Variants in ANKRD17 observed in about 807,000 individuals in gnomAD.
ANKRD17 encodes the protein ankyrin repeat domain-containing protein 17.
ANKRD17 carries 19 observed loss-of-function variants against 229.7 expected under a neutral mutation model. That is an observed-to-expected ratio of 0.08 (90% CI 0.06 to 0.12). ANKRD17 has a LOEUF of 0.12. Among genes scored for constraint, ANKRD17 ranks in the 10% least tolerant of loss-of-function variants. The pLI, the probability that ANKRD17 is intolerant of heterozygous loss-of-function variation, is 1.00. For missense variants in ANKRD17, 2,176 were observed against 3,176.8 expected, an observed-to-expected ratio of 0.68 and a Z score of 7.57; for synonymous variants, 1,112 against 1,146.1, an observed-to-expected ratio of 0.97 and a Z score of 0.60.
At chr4:73,209,192 C>A (rs564858990) in intron 1 of ANKRD17, among the ~76,000 whole-genome samples, 2 of 151,844 alleles carry the variant, frequency 1.3e-5, no homozygotes, top group African/African-American at 4.8e-5. Flanking sequence ...GGTGACAGAA[C>A]GAGACTCTGG....
At position 73,139,676 on chromosome 4, in the gene ANKRD17, C is replaced by A; in HGVS notation, c.2940G>T (p.Leu980=). Reference sequence around the variant, plus strand: ...CTGGCTGTCCAACTATCACTCCTTGCAGTTCTGTAAGATTTGCGATGGACC... The same window carrying A: ...CTGGCTGTCCAACTATCACTCCTTGAAGTTCTGTAAGATTTGCGATGGACC... ...PPGSIANLTE[L]QGVIVGQPVL... Residue 980 remains leucine (L), a synonymous_variant, in exon 15 of 34, where the codon CTG becomes CTT. Transcript: ENST00000358602. The A allele has an allele frequency of 6.2e-7, 1 of 1,614,096 alleles. No individual in the cohort carries two copies. Among genetic ancestry groups the A allele is most frequent in the Non-Finnish European group, 8.5e-7 (1 of 1,180,008 alleles).
intron 24 of ANKRD17, among the ~76,000 whole-genome samples, chr4:73,110,093 A>T (rs1364265792): frequency 7.2e-5 from 11 of 151,944 alleles, no homozygotes; most frequent in Non-Finnish European, 1.5e-5. Flanking sequence ...GAGGAAAAAA[A>T]CTAAAATGAA....
At chr4:73,080,714 A>G (rs1182546419) in intron 30 of ANKRD17, 1 of 152,250 alleles carries the variant, frequency 6.6e-6, no homozygotes, top group African/African-American at 2.4e-5. Context: ...CATCCCTGGG[A>G]GCCTACCTTA....
At chr4:73,239,457 A>C (rs888131373) in intron 1 of ANKRD17, among the ~76,000 whole-genome samples, 2 of 152,198 alleles carry the variant, frequency 1.3e-5, no homozygotes, top group Non-Finnish European at 2.9e-5. Context: ...CAGCCATTTA[A>C]AGGACTAAGA....
Position 73,075,040 on chromosome 4 carries a change from ATTTCT to A in ANKRD17, c.*1186_*1190del, listed in dbSNP as rs1720916047. The stretch of plus-strand genomic sequence containing the variant: ...AAATTGTCTTCGTGACAAATGCAGA[ATTTCT>A]TTTATTACTTGGCTCAAATTAACTG... On this transcript the variant is annotated 3_prime_UTR_variant, in exon 34 of 34. Coordinates refer to ENST00000358602, the MANE Select transcript of ANKRD17 (RefSeq NM_032217.5). The A allele has an allele frequency of 6.6e-6, 1 of 152,500 alleles. No individual in the cohort carries two copies. Among genetic ancestry groups the A allele is most frequent in the Admixed American group, 6.5e-5 (1 of 15,276 alleles). The allele number at this position is 152,500 out of a possible 1,614,324, so 9.4% of individuals were successfully genotyped here.
chr4:73,239,405 T>C (rs901389417), intron 1 of ANKRD17, among the ~76,000 whole-genome samples: 11 of 152,092 alleles, frequency 7.2e-5, no homozygotes, highest in African/African-American at 2.7e-4. Context: ...TTCCATAAAC[T>C]GGAAAGCAAT....
At chr4:73,142,483 T>C in intron 12 of ANKRD17, 98 bp from the exon 13 acceptor site, 1 of 1,566,820 alleles carries the variant, frequency 6.4e-7, no homozygotes, top group South Asian at 1.2e-5. Flanking sequence ...CCAGACGCAT[T>C]AAAATCATAG....
chr4:73,139,773 A>G lies in ANKRD17; in HGVS notation c.2843T>C (p.Met948Thr). 6.2e-7 allele frequency: 1 copy of G among 1,614,180 alleles called. No individual in the cohort carries two copies. The highest frequency in any genetic ancestry group is 8.5e-7 in the Non-Finnish European group (1 of 1,180,032). ...KDEPQQTAAQMGFAPIQPLAM... is the reference protein window; with the variant it reads ...KDEPQQTAAQTGFAPIQPLAM... ...CAGAGGCTGGATTGGCGCAAAACCC[A>G]TCTGAGCAGCAGTCTGCTGGGGTTC... The change falls in exon 15 of 34, where the codon ATG (methionine) becomes ACG (threonine). Residue 948 changes from methionine to threonine, a missense_variant. Coordinates refer to ENST00000358602, the MANE Select transcript of ANKRD17 (RefSeq NM_032217.5).
intron 1 of ANKRD17, among the ~76,000 whole-genome samples, chr4:73,231,356 C>T (rs1334579196): frequency 2.6e-5 from 4 of 152,168 alleles, no homozygotes; most frequent in Non-Finnish European, 5.9e-5. Flanking sequence ...AATCTCATTG[C>T]TATCACTGGC....
intron 1 of ANKRD17, among the ~76,000 whole-genome samples, chr4:73,209,603 C>T (rs993319987): frequency 6.6e-6 from 1 of 152,016 alleles, no homozygotes; most frequent in Non-Finnish European, 1.5e-5. Context: ...GATATACTCC[C>T]AATTTTTTTT....
chr4:73,114,408 T>G (rs1725680678), intron 23 of ANKRD17, among the ~76,000 whole-genome samples: 1 of 152,044 alleles, frequency 6.6e-6, no homozygotes, highest in South Asian at 2.1e-4. Flanking sequence ...CAAGTCACAC[T>G]TTAGGACAGT....
intron 26 of ANKRD17, 79 bp downstream of exon 26, chr4:73,097,994 A>T: frequency 7.2e-7 from 1 of 1,380,132 alleles, no homozygotes; most frequent in Non-Finnish European, 9.8e-7. Flanking sequence ...TTGCAAATTT[A>T]CTTTCTTTAC....
chr4:73,218,353 C>T (rs1388247705), intron 1 of ANKRD17, among the ~76,000 whole-genome samples: 1 of 151,976 alleles, frequency 6.6e-6, no homozygotes, highest in African/African-American at 2.4e-5. Flanking sequence ...TTTAAGATAC[C>T]AATGGCAGAG....
intron 1 of ANKRD17, among the ~76,000 whole-genome samples, chr4:73,179,427 T>C (rs1011155016): frequency 1.4e-5 from 2 of 144,644 alleles, no homozygotes; most frequent in Non-Finnish European, 3.0e-5. Context: ...TGTGTGCATA[T>C]ATGTGTGTGT....
intron 1 of ANKRD17, among the ~76,000 whole-genome samples, chr4:73,235,329 A>T (rs965306240): frequency 8.5e-5 from 13 of 152,158 alleles, no homozygotes; most frequent in Non-Finnish European, 1.6e-4. Flanking sequence ...ACGCAGACCA[A>T]AAATGTTGAG....
intron 28 of ANKRD17, 37 bp downstream of exon 28, chr4:73,094,041 TA>T: frequency 6.2e-7 from 1 of 1,600,904 alleles, no homozygotes; most frequent in Non-Finnish European, 8.5e-7. Context: ...TATAGTGCAA[TA>T]AAATAAAGGA....
Position 73,074,100 on chromosome 4 carries a change from T to C in ANKRD17, c.*2131A>G, listed in dbSNP as rs1720865649. On this transcript the variant is annotated 3_prime_UTR_variant, in exon 34 of 34. Coordinates refer to ENST00000358602, the MANE Select transcript of ANKRD17 (RefSeq NM_032217.5). ...ACCATGGTATTGTACTAAACAAGCC[T>C]GATCCCCAAGACTAAATACGGAGCA... The C allele has an allele frequency of 1.3e-5, 2 of 152,024 alleles. No individual in the cohort carries two copies. The highest frequency in any genetic ancestry group is 4.8e-5 in the African/African-American group (2 of 41,444). 9.4% of individuals were successfully genotyped at this position (152,024 alleles called of 1,614,324 possible).
At chr4:73,083,316 T>A (rs1352957572) in intron 30 of ANKRD17, among the ~76,000 whole-genome samples, 1 of 152,240 alleles carries the variant, frequency 6.6e-6, no homozygotes, top group Non-Finnish European at 1.5e-5. Context: ...TGTTAACCTA[T>A]TAGGTATTTG....
chr4:73,135,486 A>T (rs1449480409), intron 15 of ANKRD17, among the ~76,000 whole-genome samples: 1 of 152,204 alleles, frequency 6.6e-6, no homozygotes, highest in Non-Finnish European at 1.5e-5. Flanking sequence ...TCCAACTGAA[A>T]AACAAATTCC....
Sources: allele counts gnomAD v4.1 joint callset (sites outside exome capture counted in the v4.1 genomes callset), GRCh38; gene constraint gnomAD v4.1.1; transcripts MANE v1.5; gene names NCBI Gene and HGNC (gene_info 2026-07-23, HGNC 2026-07-21).